The following CHCHD6 variants were observed in gnomAD, a reference collection of about 807,000 sequenced individuals.
CHCHD6 encodes MICOS complex subunit MIC25.
Under a neutral mutation model 32.3 loss-of-function variants are expected in CHCHD6, and 28 were observed. The ratio of observed to expected loss-of-function variants is 0.87; its 90% CI spans 0.64 to 1.19. The LOEUF is 1.19. Among genes scored for constraint, CHCHD6 ranks in the 50% most tolerant of loss-of-function variants. The pLI is 0.00. For synonymous variants in CHCHD6, 122 were observed against 117.5 expected (o/e 1.04, Z -0.25); for missense variants, 333 against 307.0 (o/e 1.08, Z -0.63).
At chr3:126,814,213 C>T (rs997497868) in intron 4 of CHCHD6, among the ~76,000 whole-genome samples, 3 of 152,154 alleles carry the variant, frequency 2.0e-5, no homozygotes, top group Admixed American at 1.3e-4. Context: ...ATTTTAAAAG[C>T]GTTGGCGGTA....
intron 5 of CHCHD6, among the ~76,000 whole-genome samples, chr3:126,870,441 T>C (rs1264140659): frequency 6.6e-6 from 1 of 152,182 alleles, no homozygotes; most frequent in Admixed American, 6.5e-5. Context: ...CCCTTAACCG[T>C]TCTCCCAGTT....
chr3:126,731,995 C>T (rs1363617693), intron 3 of CHCHD6, among the ~76,000 whole-genome samples: 2 of 149,044 alleles, frequency 1.3e-5, no homozygotes, highest in Admixed American at 6.8e-5. Flanking sequence ...GGGAGGATTG[C>T]TTGAGCCCAG....
At chr3:126,716,568 G>A (rs1398012835) in intron 1 of CHCHD6, among the ~76,000 whole-genome samples, 3 of 151,964 alleles carry the variant, frequency 2.0e-5, no homozygotes, top group Non-Finnish European at 4.4e-5. Flanking sequence ...CATCATGCTA[G>A]TACCATGTTA....
At chr3:126,850,254 C>T (rs773599138) in intron 4 of CHCHD6, among the ~76,000 whole-genome samples, 11 of 152,222 alleles carry the variant, frequency 7.2e-5, no homozygotes, top group Admixed American at 1.3e-4. Context: ...GTGCACATCA[C>T]GGAGTTTTCA....
rs561747943 is a variant in CHCHD6 at position 126,830,949 on chromosome 3, C to T, written c.412-21698C>T. Among the ~76,000 whole-genome samples the T allele has an allele frequency of 7.9e-5, 12 of 152,320 alleles. 1 individual carries two copies. In the South Asian group the frequency reaches 1.0e-3, roughly 13 times the overall value. The stretch of plus-strand genomic sequence containing the variant: ...AGCGCAGCTGCTCACAGGACAGCAC[C>T]TAAGTGTACCAGGGCCTGCTCGGGG... On this transcript the variant is annotated intron_variant, in intron 4 of 7. Coordinates refer to ENST00000290913, the MANE Select transcript of CHCHD6 (RefSeq NM_032343.3).
chr3:126,836,196 T>G (rs181502107), intron 4 of CHCHD6, among the ~76,000 whole-genome samples: 1 of 152,362 alleles, frequency 6.6e-6, no homozygotes, highest in Admixed American at 6.5e-5. Flanking sequence ...CCCAGCCTGT[T>G]TTTCATGCTG....
At chr3:126,844,318 G>A (rs769691907) in intron 4 of CHCHD6, among the ~76,000 whole-genome samples, 1 of 152,272 alleles carries the variant, frequency 6.6e-6, no homozygotes, top group Non-Finnish European at 1.5e-5. Context: ...GCAGATCAAA[G>A]TATTTGACTG....
intron 4 of CHCHD6, among the ~76,000 whole-genome samples, chr3:126,837,342 T>C (rs1208065437): frequency 6.6e-6 from 1 of 152,130 alleles, no homozygotes; most frequent in Middle Eastern, 3.2e-3. Flanking sequence ...GGCAGGAGGA[T>C]TGCTTGAGCC....
intron 5 of CHCHD6, among the ~76,000 whole-genome samples, chr3:126,889,542 C>G (rs552100029): frequency 6.6e-6 from 1 of 152,188 alleles, no homozygotes; most frequent in Admixed American, 6.5e-5. Context: ...GAGCCACTGG[C>G]TGGCAGGTGC....
chr3:126,815,506 C>T (rs1367996886), intron 4 of CHCHD6, among the ~76,000 whole-genome samples: 1 of 152,002 alleles, frequency 6.6e-6, no homozygotes, highest in African/African-American at 2.4e-5. Flanking sequence ...TCATCCTTGA[C>T]TCCTCCCTCT....
At chr3:126,727,815 C>T (rs925783060) in intron 2 of CHCHD6, among the ~76,000 whole-genome samples, 5 of 152,082 alleles carry the variant, frequency 3.3e-5, no homozygotes, top group East Asian at 1.9e-4. Flanking sequence ...CCCCAAATAA[C>T]GACTTGTAGC....
chr3:126,938,214 G>A (rs1006466541), intron 6 of CHCHD6, among the ~76,000 whole-genome samples: 14 of 152,220 alleles, frequency 9.2e-5, no homozygotes, highest in Non-Finnish European at 2.1e-4. Context: ...CAAGGAGAGG[G>A]GAGTGGGAGG....
intron 5 of CHCHD6, among the ~76,000 whole-genome samples, chr3:126,908,118 G>A (rs904440300): frequency 2.6e-5 from 4 of 152,224 alleles, no homozygotes; most frequent in African/African-American, 9.6e-5. Context: ...GAGGAGGGCT[G>A]TTGAACCTTG....
chr3:126,916,166 C>T (rs555581996), intron 6 of CHCHD6, among the ~76,000 whole-genome samples: 191 of 152,034 alleles, frequency 1.3e-3, no homozygotes, highest in Admixed American at 4.4e-3. Context: ...TTTGGGAGGC[C>T]GAGGTGGGCA....
intron 4 of CHCHD6, among the ~76,000 whole-genome samples, chr3:126,810,920 T>C (rs1441945355): frequency 2.0e-5 from 3 of 152,146 alleles, no homozygotes; most frequent in Admixed American, 2.0e-4. Flanking sequence ...GAGAGACTTG[T>C]GCCTGCAGGC....
intron 5 of CHCHD6, among the ~76,000 whole-genome samples, chr3:126,914,049 A>T (rs1365499238): frequency 6.6e-6 from 1 of 152,140 alleles, no homozygotes; most frequent in Non-Finnish European, 1.5e-5. Context: ...TCCCCTTAAC[A>T]ATCTGGACAG....
At chr3:126,814,707 C>T (rs1939802846) in intron 4 of CHCHD6, among the ~76,000 whole-genome samples, 1 of 150,782 alleles carries the variant, frequency 6.6e-6, no homozygotes, top group African/African-American at 2.5e-5. Context: ...TTTTTTTCAT[C>T]TGTGTCCCTT....
chr3:126,825,336 T>C (rs1940343057), intron 4 of CHCHD6, among the ~76,000 whole-genome samples: 1 of 152,230 alleles, frequency 6.6e-6, no homozygotes, highest in Non-Finnish European at 1.5e-5. Flanking sequence ...GCCTTGTATA[T>C]GCTCTGTTCT....
intron 5 of CHCHD6, among the ~76,000 whole-genome samples, chr3:126,903,864 C>T (rs1244184321): frequency 6.6e-6 from 1 of 152,204 alleles, no homozygotes; most frequent in African/African-American, 2.4e-5. Flanking sequence ...CCATTTGAAG[C>T]TCTCTACCTT....
Sources: gnomAD v4.1 joint callset for allele counts (sites outside exome capture counted in the v4.1 genomes callset) on GRCh38, gnomAD v4.1.1 for gene constraint, MANE v1.5 for transcripts, NCBI Gene and HGNC (gene_info 2026-07-23, HGNC 2026-07-21) for gene names.